The following CBFA2T3 variants were observed in gnomAD, a reference collection of about 807,000 sequenced individuals.
CBFA2T3 encodes transcriptional corepressor CBFA2T3.
Under a neutral mutation model 58.6 loss-of-function variants are expected in CBFA2T3, and 31 were observed. The observed-to-expected ratio is 0.53, with a 90% CI of 0.40 to 0.71. CBFA2T3 has a LOEUF of 0.71. Among genes scored for constraint, CBFA2T3 ranks in the 30% least tolerant of loss-of-function variants. CBFA2T3 has a pLI of 0.00. For missense variants in CBFA2T3, 1,076 were observed against 963.1 expected (o/e 1.12, Z -1.55); for synonymous variants, 531 against 421.9 (o/e 1.26, Z -3.17).
chr16:88,888,768 G>C (rs1257663939), intron 5 of CBFA2T3, among the ~76,000 whole-genome samples: 1 of 151,848 alleles, frequency 6.6e-6, no homozygotes, highest in African/African-American at 2.4e-5. Context: ...ATGTCAGAGA[G>C]GTGAACAGAC....
rs556900539 is a variant in CBFA2T3 at position 88,920,435 on chromosome 16, C to T, written c.152-18779G>A. ...GAGGTTACAGGTGCCCACCACCATA[C>T]CCGGCCAATTTTTTTTTTTTTTTTT... On this transcript the variant is annotated intron_variant, in intron 1 of 11. Coordinates refer to ENST00000268679, the MANE Select transcript of CBFA2T3 (RefSeq NM_005187.6). Among the ~76,000 whole-genome samples, 13 of 148,698 alleles carry T rather than the reference C, an allele frequency of 8.7e-5. No homozygotes were observed. In the East Asian group the frequency reaches 2.5e-3, roughly 29 times the overall value.
chr16:88,898,171 G>T lies in CBFA2T3; in HGVS notation c.305-19C>A, dbSNP rs753465875. ...TCTCGATCTGTAAGCAAAATAAGAA[G>T]AACACGCTGTCAGGAGGGGCGTGGG... On this transcript the variant is annotated intron_variant, in intron 2 of 11. Transcript: ENST00000268679. 1 of 1,600,392 alleles carries T rather than the reference G, an allele frequency of 6.2e-7. No individual in the cohort carries two copies. Among genetic ancestry groups the T allele is most frequent in the Non-Finnish European group, 8.6e-7 (1 of 1,169,430 alleles).
At chr16:88,903,748 C>G (rs1275701169) in intron 1 of CBFA2T3, among the ~76,000 whole-genome samples, 1 of 150,390 alleles carries the variant, frequency 6.6e-6, no homozygotes, top group Non-Finnish European at 1.5e-5. Context: ...CTTGGGCCAG[C>G]GTGGGTTGGG....
intron 3 of CBFA2T3, among the ~76,000 whole-genome samples, chr16:88,893,889 C>T (rs753232949): frequency 3.3e-5 from 5 of 152,182 alleles, no homozygotes; most frequent in Admixed American, 6.5e-5. Flanking sequence ...GCCTGAGGGG[C>T]GGCCTCCAGG....
chr16:88,943,306 C>T (rs1269211407), intron 1 of CBFA2T3, among the ~76,000 whole-genome samples: 1 of 152,174 alleles, frequency 6.6e-6, no homozygotes, highest in Non-Finnish European at 1.5e-5. Flanking sequence ...CCAGCACCAG[C>T]GGCACGTCCG....
At chr16:88,960,963 C>T (rs148518861) in intron 1 of CBFA2T3, among the ~76,000 whole-genome samples, 2 of 152,316 alleles carry the variant, frequency 1.3e-5, no homozygotes, top group East Asian at 1.9e-4. Context: ...ATTTGAGATA[C>T]GCTTACGATT....
intron 5 of CBFA2T3, chr16:88,886,424 G>A (rs1969379519): frequency 8.8e-6 from 3 of 342,708 alleles, no homozygotes; most frequent in African/African-American, 4.2e-5. Context: ...CTCCCAGGGT[G>A]GGGCTTTCCC....
At chr16:88,952,947 G>A (rs1420775775) in intron 1 of CBFA2T3, among the ~76,000 whole-genome samples, 1 of 147,622 alleles carries the variant, frequency 6.8e-6, no homozygotes, top group African/African-American at 2.5e-5. Flanking sequence ...CCCCACGCAG[G>A]GCCTGTGTCG....
At chr16:88,938,811 C>T (rs981939348) in intron 1 of CBFA2T3, 1 of 152,262 alleles carries the variant, frequency 6.6e-6, no homozygotes, top group Admixed American at 6.5e-5. Flanking sequence ...ATCCTTCCAC[C>T]CTGGCACTGT....
intron 1 of CBFA2T3, chr16:88,941,347 T>G (rs1971723659): frequency 5.5e-6 from 1 of 183,416 alleles, no homozygotes; most frequent in Admixed American, 6.8e-5. Flanking sequence ...CCCGAGAGTC[T>G]CACGGGGCCC....
At position 88,958,694 on chromosome 16, in the gene CBFA2T3, C is replaced by G. The variant is rs1190304938; in HGVS notation, c.151+17963G>C. On this transcript the variant is annotated intron_variant, in intron 1 of 11. Coordinates refer to ENST00000268679, the MANE Select transcript of CBFA2T3 (RefSeq NM_005187.6). The surrounding 1 kb of genome is among the most constrained non-coding windows in gnomAD (Gnocchi z 4.0). ...AAACTCGCTCCCCCAGGGCCGGGGG[C>G]TGGGGGCCTCGGTGTGGCCTTTGGA... Among the ~76,000 whole-genome samples, 4 of 151,902 alleles carry G rather than the reference C, an allele frequency of 2.6e-5. No individual in the cohort carries two copies. Among genetic ancestry groups the G allele is most frequent in the African/African-American group, 9.7e-5 (4 of 41,358 alleles).
chr16:88,932,775 G>A (rs113948437), intron 1 of CBFA2T3, among the ~76,000 whole-genome samples: 4,295 of 109,568 alleles, frequency 0.039, 233 homozygotes, highest in African/African-American at 0.14. Flanking sequence ...TGGCAAACCC[G>A]TCTCTACTAA....
intron 1 of CBFA2T3, among the ~76,000 whole-genome samples, chr16:88,903,034 C>T (rs903464401): frequency 1.3e-5 from 2 of 152,220 alleles, no homozygotes; most frequent in African/African-American, 4.8e-5. Flanking sequence ...GGTGAGGCCA[C>T]AGTTGGGGGC....
Position 88,885,014 on chromosome 16 carries a change from C to G in CBFA2T3, c.1117+32G>C, listed in dbSNP as rs570992759. ...GGCGCATGTGTGCTCCTGTAACACG[C>G]GTCCACGCTCCCGCCCCACCGGGCT... On this transcript the variant is annotated intron_variant, in intron 7 of 11. Coordinates refer to ENST00000268679, the MANE Select transcript of CBFA2T3 (RefSeq NM_005187.6). The surrounding 1 kb of genome is among the most constrained non-coding windows in gnomAD (Gnocchi z 5.3). 2.0e-6 allele frequency: 3 copies of G among 1,519,184 alleles called. No individual in the cohort carries two copies. The highest frequency in any genetic ancestry group is 2.7e-6 in the Non-Finnish European group (3 of 1,120,728). 94.1% of individuals were successfully genotyped at this position (1,519,184 alleles called of 1,614,324 possible).
intron 3 of CBFA2T3, among the ~76,000 whole-genome samples, chr16:88,893,301 C>G (rs181649868): frequency 2.1e-5 from 3 of 144,970 alleles, no homozygotes; most frequent in East Asian, 2.0e-4. Context: ...AGCAATGTGC[C>G]CCCCCCGACA....
At chr16:88,908,056 G>A (rs1357532079) in intron 1 of CBFA2T3, among the ~76,000 whole-genome samples, 1 of 152,158 alleles carries the variant, frequency 6.6e-6, no homozygotes, top group African/African-American at 2.4e-5. Context: ...AAAGTTCCCA[G>A]ACCTGCCAGA....
chr16:88,905,693 TGAA>T (rs1284752160), intron 1 of CBFA2T3, among the ~76,000 whole-genome samples: 62 of 106,042 alleles, frequency 5.8e-4, no homozygotes, highest in East Asian at 9.3e-4. Flanking sequence ...GGGGCGGGGC[TGAA>T]GGAGGGGCGG....
intron 1 of CBFA2T3, among the ~76,000 whole-genome samples, chr16:88,918,396 G>C (rs1047343688): frequency 2.0e-5 from 3 of 152,190 alleles, no homozygotes; most frequent in African/African-American, 4.8e-5. Flanking sequence ...TTCGCAGTGT[G>C]GGCTGTGGCT....
chr16:88,947,875 C>T (rs1971946451), intron 1 of CBFA2T3, among the ~76,000 whole-genome samples: 1 of 152,190 alleles, frequency 6.6e-6, no homozygotes, highest in African/African-American at 2.4e-5. Context: ...GATCACGCTA[C>T]TGCACTCTAG....
Sources: allele counts gnomAD v4.1 joint callset (sites outside exome capture counted in the v4.1 genomes callset), GRCh38; gene constraint gnomAD v4.1.1; non-coding constraint Gnocchi (gnomAD v3.1); transcripts MANE v1.5; gene names NCBI Gene and HGNC (gene_info 2026-07-23, HGNC 2026-07-21).